ANKMY1: variants seen among roughly 807,000 people sequenced by gnomAD.
ANKMY1 encodes ankyrin repeat and MYND domain containing 1.
In ANKMY1, 98 loss-of-function variants were observed where a neutral mutation model predicts 102.0. The observed-to-expected ratio is 0.96, with a 90% CI of 0.82 to 1.14. The LOEUF is 1.14. Among genes scored for constraint, ANKMY1 ranks in the 50% most tolerant of loss-of-function variants. The probability of loss-of-function intolerance (pLI) is 0.00; values close to 1 mark genes in which losing one functional copy is unlikely to be tolerated. For synonymous variants in ANKMY1, 582 were observed against 559.9 expected (o/e 1.04, Z -0.56); for missense variants, 1,330 against 1,347.6 (o/e 0.99, Z 0.20).
rs759008916 is a variant in ANKMY1, at chr2:240,500,482, G to A, written c.2610C>T (p.Ala870=). The stretch of plus-strand genomic sequence containing the variant: ...AGAATCTGAAGTAGCCATAGTCCAC[G>A]GCTGTGCCCACTGCCTCCTTTTCTC... The part of the protein sequence containing the change: ...RQGEKEAVGT[A]VDYGYFRFFQ... The change falls in exon 14 of 18, where the codon GCC becomes GCT. Residue 870 remains alanine (A), a synonymous_variant. Coordinates refer to ENST00000401804, the MANE Select transcript of ANKMY1 (RefSeq NM_001282771.3). 14 of 1,614,136 alleles carry A rather than the reference G, an allele frequency of 8.7e-6. No individual in the cohort carries two copies. Among genetic ancestry groups the A allele is most frequent in the Admixed American group, 6.7e-5 (4 of 60,018 alleles).
chr2:240,482,780 G>T (rs954749270), intron 15 of ANKMY1, among the ~76,000 whole-genome samples: 2 of 152,224 alleles, frequency 1.3e-5, no homozygotes, highest in Admixed American at 6.5e-5. Flanking sequence ...TTCCTGTTGG[G>T]TAGAGTGTTC....
rs1259499816 is a variant in ANKMY1, at chr2:240,529,820, C to T, written c.481-311G>A. Among the ~76,000 whole-genome samples the T allele has an allele frequency of 6.6e-6, 1 of 152,078 alleles. No homozygotes were observed. The highest frequency in any genetic ancestry group is 2.4e-5 in the African/African-American group (1 of 41,400). ...CATGGTGAAAGCGTGTCAGAGGTAC[C>T]AGGTCTGGGTTCAATTAGGGAACCC... On this transcript the variant is annotated intron_variant, in intron 4 of 17. Transcript: ENST00000401804. This position sits in a 1 kb window ranked among gnomAD's most constrained non-coding sequence, Gnocchi z 4.2.
chr2:240,538,360 G>A lies in ANKMY1; in HGVS notation c.481-8851C>T, dbSNP rs374281154. 2.9e-4 allele frequency among the ~76,000 whole-genome samples: 44 copies of A among 152,274 alleles called. 2 individuals are homozygous for A. In the South Asian group the frequency reaches 8.5e-3, roughly 29 times the overall value. On this transcript the variant is annotated intron_variant, in intron 4 of 17. Transcript: ENST00000401804. ...GTTCTGGGTGGGCGTGGGCTCGGGG[G>A]GCCCACACTCAGAGCCACCAGCCGG...
chr2:240,480,398 G>A (rs565562627), intron 17 of ANKMY1, among the ~76,000 whole-genome samples: 12 of 152,334 alleles, frequency 7.9e-5, no homozygotes, highest in East Asian at 3.9e-4. Context: ...TTGCGGCACC[G>A]GGCCCTGTTC....
Position 240,499,849 on chromosome 2 carries a change from AGGCCC to A in ANKMY1, c.2806+104_2806+108del. 1 of 1,365,560 alleles carries A rather than the reference AGGCCC, an allele frequency of 7.3e-7. No homozygotes were observed. Among genetic ancestry groups the A allele is most frequent in the Admixed American group, 2.7e-5 (1 of 36,562 alleles). The allele number at this position is 1,365,560 out of a possible 1,614,324, so 84.6% of individuals were successfully genotyped here. A position where few individuals can be genotyped will look rare whatever the true frequency, so the allele number is the denominator to read the frequency against. On this transcript the variant is annotated intron_variant, in intron 15 of 17. Transcript: ENST00000401804. This position sits in a 1 kb window ranked among gnomAD's most constrained non-coding sequence, Gnocchi z 4.2. ...CAAGCCGACGAGCCCAGCCCCAGGAAGGCCCCTCCAAGAGCCCCAGGGGGTCCAGA... is the reference window on the plus strand; with the variant it reads ...CAAGCCGACGAGCCCAGCCCCAGGAACTCCAAGAGCCCCAGGGGGTCCAGA...
chr2:240,553,023 TG>T lies in ANKMY1; in HGVS notation c.370del (p.His124MetfsTer31). The part of the protein sequence containing the change: ...YHGQFYRDHC[H>X]GLGTYMWPDG... ...TGGCCACATGTAGGTACCCAGGCCATGGCAGTGGTCCCGGTAAAACTGCCCA... is the reference window on the plus strand; with the variant it reads ...TGGCCACATGTAGGTACCCAGGCCATGCAGTGGTCCCGGTAAAACTGCCCA... On this transcript the variant is annotated frameshift_variant, in exon 4 of 18. Transcript: ENST00000401804. LOFTEE classifies it high-confidence loss of function. The T allele has an allele frequency of 1.2e-6, 2 of 1,614,046 alleles. No individual in the cohort carries two copies. The highest frequency in any genetic ancestry group is 2.2e-5 in the South Asian group (2 of 91,064).
At chr2:240,490,650 T>C (rs1045069781) in intron 15 of ANKMY1, among the ~76,000 whole-genome samples, 1 of 152,308 alleles carries the variant, frequency 6.6e-6, no homozygotes, top group East Asian at 1.9e-4. Flanking sequence ...AGAGTTCTTC[T>C]TGGTACAGAC....
intron 15 of ANKMY1, among the ~76,000 whole-genome samples, chr2:240,495,271 AGAG>A (rs1341029799): frequency 1.3e-5 from 2 of 152,160 alleles, no homozygotes; most frequent in East Asian, 1.9e-4. Flanking sequence ...CCCTTTCCCC[AGAG>A]GAGTTTAGAG....
intron 15 of ANKMY1, among the ~76,000 whole-genome samples, chr2:240,484,996 G>A (rs941143380): frequency 1.3e-5 from 2 of 152,110 alleles, no homozygotes; most frequent in Non-Finnish European, 2.9e-5. Flanking sequence ...AAACCACAAT[G>A]AGATACCATC....
In ANKMY1 at chr2:240,509,558, A is replaced by G. The variant is rs991744945; in HGVS notation, c.2287-103T>C. On this transcript the variant is annotated intron_variant, in intron 11 of 17. Coordinates refer to ENST00000401804, the MANE Select transcript of ANKMY1 (RefSeq NM_001282771.3). Reference sequence around the variant, plus strand: ...GCCATGAAATCAATGTAGTCACTCAACGGCTACTTCCTGCCAACCATTACC... The same window carrying G: ...GCCATGAAATCAATGTAGTCACTCAGCGGCTACTTCCTGCCAACCATTACC... 7.4e-6 allele frequency: 6 copies of G among 808,784 alleles called. No homozygotes were observed. The African/African-American group carries it at 8.7e-5, about 12-fold the overall frequency. 50.1% of individuals were successfully genotyped at this position (808,784 alleles called of 1,614,324 possible).
chr2:240,548,598 T>C (rs2090904585), intron 4 of ANKMY1, among the ~76,000 whole-genome samples: 1 of 151,916 alleles, frequency 6.6e-6, no homozygotes. Context: ...ACGACATGAT[T>C]GTATATCTAG....
rs1404232838 is a variant in ANKMY1 at position 240,506,657 on chromosome 2, C to G, written c.2526+903G>C. 1.4e-5 allele frequency among the ~76,000 whole-genome samples: 2 copies of G among 147,436 alleles called. No individual in the cohort carries two copies. The highest frequency in any genetic ancestry group is 3.9e-4 in the East Asian group (2 of 5,134). On this transcript the variant is annotated intron_variant, in intron 13 of 17. Coordinates refer to ENST00000401804, the MANE Select transcript of ANKMY1 (RefSeq NM_001282771.3). The surrounding 1 kb of genome is among the most constrained non-coding windows in gnomAD (Gnocchi z 4.9). ...TTCCAGACGCCTGAGTCTCACCCCC[C>G]TCCTCCTTCCCCCTTTTTCTCCCTC... is the stretch of plus-strand genomic sequence containing the variant.
chr2:240,512,411 C>T (rs2080390840), intron 10 of ANKMY1, among the ~76,000 whole-genome samples: 1 of 152,222 alleles, frequency 6.6e-6, no homozygotes, highest in African/African-American at 2.4e-5. Flanking sequence ...TGGAGCTTGG[C>T]AGGGCCTGGT....
intron 13 of ANKMY1, among the ~76,000 whole-genome samples, chr2:240,502,994 T>C (rs539804666): frequency 1.3e-5 from 2 of 151,988 alleles, no homozygotes; most frequent in Admixed American, 1.3e-4. Flanking sequence ...AGAGCCCGTC[T>C]CTCCAGTGGC....
Position 240,515,344 on chromosome 2 carries a change from G to C in ANKMY1, c.2005-2402C>G, listed in dbSNP as rs528087049. 5.6e-3 allele frequency among the ~76,000 whole-genome samples: 859 copies of C among 152,208 alleles called. 4 individuals are homozygous for C. The highest frequency in any genetic ancestry group is 0.011 in the Admixed American group (173 of 15,286). ...TAGGTCAGGAGTTCAAGACCAGCCT[G>C]GCCAACATGGTGAAACCTCGCCTCT... is the stretch of plus-strand genomic sequence containing the variant. On this transcript the variant is annotated intron_variant, in intron 9 of 17. Transcript: ENST00000401804.
chr2:240,481,637 T>C (rs1045806234), intron 16 of ANKMY1, among the ~76,000 whole-genome samples: 3 of 152,130 alleles, frequency 2.0e-5, no homozygotes, highest in Admixed American at 6.5e-5. Flanking sequence ...CCAACAAGAA[T>C]AGGGCCTGGT....
At chr2:240,483,004 CCTAA>C (rs2075604012) in intron 15 of ANKMY1, among the ~76,000 whole-genome samples, 1 of 152,154 alleles carries the variant, frequency 6.6e-6, no homozygotes, top group Non-Finnish European at 1.5e-5. Context: ...GTTACATCTT[CCTAA>C]CTGATGATCC....
chr2:240,560,255 C>G (rs1040021548), upstream of ANKMY1: 1 of 159,444 alleles, frequency 6.3e-6, no homozygotes, highest in Non-Finnish European at 1.4e-5. Context: ...AGCCACGGGG[C>G]CCTAGCCGAA....
chr2:240,520,586 G>C lies in ANKMY1; in HGVS notation c.1833-53C>G, dbSNP rs752528231. On this transcript the variant is annotated intron_variant, in intron 8 of 17. Transcript: ENST00000401804. This position sits in a 1 kb window ranked among gnomAD's most constrained non-coding sequence, Gnocchi z 4.8. Reference sequence around the variant, plus strand: ...CCTGGAGGGCAGGCACCTGCACTGCGCCCAGAACGGGGCCATGCCAGCGAG... The same window carrying C: ...CCTGGAGGGCAGGCACCTGCACTGCCCCCAGAACGGGGCCATGCCAGCGAG... 1.9e-5 allele frequency: 30 copies of C among 1,555,274 alleles called. No homozygotes were observed. Among genetic ancestry groups the C allele is most frequent in the Non-Finnish European group, 2.5e-5 (29 of 1,150,924 alleles).
Sources: allele counts gnomAD v4.1 joint callset (sites outside exome capture counted in the v4.1 genomes callset), GRCh38; gene constraint gnomAD v4.1.1; non-coding constraint Gnocchi (gnomAD v3.1); transcripts MANE v1.5; gene names NCBI Gene and HGNC (gene_info 2026-07-23, HGNC 2026-07-21).